DYM: variants seen among roughly 807,000 people sequenced by gnomAD.
The protein encoded by DYM is dymeclin, also known as dyggve-Melchior-Clausen syndrome protein.
DYM carries 78 observed loss-of-function variants against 93.1 expected under a neutral mutation model. The ratio of observed to expected loss-of-function variants is 0.84; its 90% confidence interval spans 0.70 to 1.01. DYM has a LOEUF of 1.01. DYM is among the 50% of genes least tolerant of loss of function. DYM has a pLI of 0.00. For missense variants in DYM, 789 were observed against 845.0 expected (o/e 0.93, Z 0.82); for synonymous variants, 321 against 319.7 (o/e 1.00, Z -0.04).
At chr18:49,403,626 G>A (rs1303401030) in intron 2 of DYM, among the ~76,000 whole-genome samples, 1 of 152,008 alleles carries the variant, frequency 6.6e-6, no homozygotes, top group South Asian at 2.1e-4. Flanking sequence ...GAGTGTACGT[G>A]TGCAGGTTTG....
intron 13 of DYM, among the ~76,000 whole-genome samples, chr18:49,239,841 T>A (rs2093970216): frequency 6.6e-6 from 1 of 152,238 alleles, no homozygotes; most frequent in Non-Finnish European, 1.5e-5. Flanking sequence ...AATTGTTGTT[T>A]TAAGCCACTA....
intron 6 of DYM, among the ~76,000 whole-genome samples, chr18:49,349,208 A>AAAAC (rs751673874): frequency 5.9e-5 from 9 of 152,110 alleles, no homozygotes; most frequent in Non-Finnish European, 1.3e-4. Flanking sequence ...ACTGTCTCAA[A>AAAAC]AAACAAACAA....
intron 14 of DYM, among the ~76,000 whole-genome samples, chr18:49,170,144 T>C (rs943075435): frequency 6.6e-6 from 1 of 152,160 alleles, no homozygotes; most frequent in African/African-American, 2.4e-5. Context: ...CTAACAACCA[T>C]GTGAGGTAGG....
At chr18:49,323,366 T>C (rs998114547) in intron 8 of DYM, among the ~76,000 whole-genome samples, 4 of 152,110 alleles carry the variant, frequency 2.6e-5, no homozygotes, top group African/African-American at 7.2e-5. Flanking sequence ...GCCTTCCAAA[T>C]TGAGAATTTC....
At chr18:49,423,619 G>T (rs2073961418) in intron 2 of DYM, among the ~76,000 whole-genome samples, 1 of 151,998 alleles carries the variant, frequency 6.6e-6, no homozygotes, top group Admixed American at 6.5e-5. Flanking sequence ...TGGTTTTTTT[G>T]AAAAGATCAA....
intron 2 of DYM, among the ~76,000 whole-genome samples, chr18:49,423,273 AC>A (rs2073919680): frequency 6.6e-6 from 1 of 152,212 alleles, no homozygotes; most frequent in South Asian, 2.1e-4. Context: ...TGGAAACTGA[AC>A]AACCTGCTCC....
At chr18:49,234,984 C>T (rs575083483) in intron 13 of DYM, among the ~76,000 whole-genome samples, 1 of 152,252 alleles carries the variant, frequency 6.6e-6, no homozygotes, top group Non-Finnish European at 1.5e-5. Flanking sequence ...TCTACAATCA[C>T]AAGGAACTAG....
intron 2 of DYM, among the ~76,000 whole-genome samples, chr18:49,425,438 A>C (rs2074180150): frequency 6.6e-6 from 1 of 152,136 alleles, no homozygotes; most frequent in Non-Finnish European, 1.5e-5. Flanking sequence ...AACGATAAAA[A>C]CCCTAGAAGA....
chr18:49,387,029 A>G (rs2068697641), intron 3 of DYM, among the ~76,000 whole-genome samples: 1 of 150,458 alleles, frequency 6.6e-6, no homozygotes, highest in Non-Finnish European at 1.5e-5. Flanking sequence ...TGCAGCCTCA[A>G]CCTCCCAGGC....
At chr18:49,422,723 C>CA (rs1419983846) in intron 2 of DYM, among the ~76,000 whole-genome samples, 8 of 151,532 alleles carry the variant, frequency 5.3e-5, no homozygotes, top group Admixed American at 3.3e-4. Context: ...AAACGGAAAA[C>CA]AAAAAACAGC....
At chr18:49,394,665 G>A (rs535242550) in intron 2 of DYM, among the ~76,000 whole-genome samples, 1 of 151,904 alleles carries the variant, frequency 6.6e-6, no homozygotes, top group East Asian at 1.9e-4. Flanking sequence ...ACGTAACAAG[G>A]GATATTCTTT....
intron 17 of DYM, among the ~76,000 whole-genome samples, chr18:49,076,632 G>T (rs1479278871): frequency 6.6e-6 from 1 of 152,184 alleles, no homozygotes; most frequent in Admixed American, 6.5e-5. Context: ...CAAAAATATG[G>T]TATCTGTTAT....
chr18:49,447,513 G>A (rs369937353), intron 1 of DYM: 4 of 152,286 alleles, frequency 2.6e-5, no homozygotes, highest in African/African-American at 9.6e-5. Flanking sequence ...CTCTAACTCT[G>A]TCCTTTCATT....
intron 11 of DYM, among the ~76,000 whole-genome samples, chr18:49,267,180 G>A (rs2094583815): frequency 1.4e-5 from 2 of 145,206 alleles, no homozygotes; most frequent in African/African-American, 5.0e-5. Flanking sequence ...GGCTAGTACA[G>A]ACATTAAAAG....
intron 17 of DYM, among the ~76,000 whole-genome samples, chr18:49,078,849 G>A (rs376032265): frequency 1.1e-4 from 17 of 152,164 alleles, no homozygotes; most frequent in African/African-American, 3.6e-4. Context: ...GTTTCCATCC[G>A]GCATCATTTT....
intron 5 of DYM, among the ~76,000 whole-genome samples, chr18:49,369,036 C>A (rs936527387): frequency 2.0e-5 from 3 of 152,238 alleles, no homozygotes; most frequent in African/African-American, 4.8e-5. Flanking sequence ...CAGGCAGAGC[C>A]TGCCAAACGG....
chr18:49,275,285 T>C (rs534393410), intron 10 of DYM, among the ~76,000 whole-genome samples: 1 of 152,300 alleles, frequency 6.6e-6, no homozygotes, highest in African/African-American at 2.4e-5. Flanking sequence ...GATAGGTATA[T>C]GGGTTTATTT....
intron 15 of DYM, among the ~76,000 whole-genome samples, chr18:49,146,568 C>A (rs1193796223): frequency 1.3e-5 from 2 of 152,048 alleles, no homozygotes; most frequent in Non-Finnish European, 1.5e-5. Flanking sequence ...AACAGAGAGC[C>A]AAATCATGAG....
At chr18:49,100,455 G>A (rs960408994) in intron 16 of DYM, among the ~76,000 whole-genome samples, 1 of 151,794 alleles carries the variant, frequency 6.6e-6, no homozygotes, top group Admixed American at 6.6e-5. Flanking sequence ...GCCTATACTG[G>A]CTTTCCTCTA....
Sources: gnomAD v4.1 joint callset for allele counts (sites outside exome capture counted in the v4.1 genomes callset) on GRCh38, gnomAD v4.1.1 for gene constraint, MANE v1.5 for transcripts, NCBI Gene and HGNC (gene_info 2026-07-23, HGNC 2026-07-21) for gene names.